Variants in NAV2 observed in about 807,000 individuals in gnomAD.
NAV2 encodes neuron navigator 2, also known as helicase, APC down-regulated 1.
NAV2 carries 54 observed loss-of-function variants against 223.2 expected under a neutral mutation model. The observed-to-expected ratio is 0.24, with a 90% CI of 0.19 to 0.30. The LOEUF (loss-of-function observed/expected upper bound fraction) is 0.30, where lower values mean the gene tolerates loss of function less well. Ranked by LOEUF, NAV2 falls within the 10% of genes least tolerant of loss-of-function variation. NAV2 has a pLI of 1.00. For synonymous variants in NAV2, 1,279 were observed against 1,239.3 expected (o/e 1.03, Z -0.67); for missense variants, 2,806 against 3,147.5 (o/e 0.89, Z 2.60).
At chr11:19,425,683 G>A (rs955420559) in intron 1 of NAV2, among the ~76,000 whole-genome samples, 3 of 152,194 alleles carry the variant, frequency 2.0e-5, no homozygotes, top group African/African-American at 7.2e-5. Context: ...TGGGGACAGG[G>A]ATGATTCTGG....
intron 1 of NAV2, among the ~76,000 whole-genome samples, chr11:19,441,159 G>A (rs55944833): frequency 0.22 from 33,093 of 152,052 alleles, 4,555 homozygotes; most frequent in Non-Finnish European, 0.31. Context: ...TCTCATGCCG[G>A]GGGAGGAATA....
At chr11:19,401,182 A>G (rs1849670444) in intron 1 of NAV2, among the ~76,000 whole-genome samples, 1 of 152,244 alleles carries the variant, frequency 6.6e-6, no homozygotes. Flanking sequence ...GTCTTTAAGA[A>G]TATATTTTAT....
chr11:19,362,692 T>A (rs984182614), intron 1 of NAV2, among the ~76,000 whole-genome samples: 7 of 152,280 alleles, frequency 4.6e-5, no homozygotes, highest in African/African-American at 1.7e-4. Context: ...AATCTACCAT[T>A]TCTTGGACAT....
At chr11:19,636,489 ATT>A (rs5790080) in intron 1 of NAV2, among the ~76,000 whole-genome samples, 166 of 136,124 alleles carry the variant, frequency 1.2e-3, no homozygotes, top group African/African-American at 3.5e-3. Flanking sequence ...GTTCTGCAGT[ATT>A]TTTTTTTTTT....
At chr11:19,831,349 A>G (rs536850218) in intron 1 of NAV2, among the ~76,000 whole-genome samples, 58 of 151,892 alleles carry the variant, frequency 3.8e-4, no homozygotes, top group African/African-American at 1.3e-3. Flanking sequence ...TGGGAGTCAC[A>G]TGGATCCTCG....
chr11:19,662,200 G>A (rs949511477), intron 1 of NAV2, among the ~76,000 whole-genome samples: 1 of 152,176 alleles, frequency 6.6e-6, no homozygotes, highest in African/African-American at 2.4e-5. Context: ...TAGAAAAAAA[G>A]GTGAAAAGAA....
rs1728108593 is a variant in NAV2 at position 20,092,323 on chromosome 11, G to A, written c.5770G>A (p.Gly1924Ser). The change falls in exon 28 of 38, where the codon GGC becomes AGC. Residue 1924 changes from glycine to serine, a missense_variant. By Grantham distance (56) the Gly-to-Ser change is moderately conservative. Around this residue, in one of 4 missense-constraint regions of NAV2, gnomAD observed 824 missense variants for 1,069.4 expected, o/e 0.77. Transcript: ENST00000349880. ...SISASPRQSM[G>S]LSQHSLNLTE... The stretch of plus-strand genomic sequence containing the variant: ...CTCTGCCTCCCCGAGGCAGTCCATG[G>A]GCCTCTCCCAGCACAGCTTGAACCT... The A allele has an allele frequency of 6.2e-7, 1 of 1,614,128 alleles. No individual in the cohort carries two copies. The highest frequency in any genetic ancestry group is 8.5e-7 in the Non-Finnish European group (1 of 1,180,008).
intron 1 of NAV2, among the ~76,000 whole-genome samples, chr11:19,394,870 TC>T (rs1221194234): frequency 6.6e-6 from 1 of 152,126 alleles, no homozygotes; most frequent in Non-Finnish European, 1.5e-5. Flanking sequence ...AGGAAGGATG[TC>T]CTTATCTGAA....
rs1424516924 is a variant in NAV2, at chr11:19,934,132, A to T, written c.1888A>T (p.Asn630Tyr). 6.2e-7 allele frequency: 1 copy of T among 1,614,144 alleles called. No individual in the cohort carries two copies. ...AAAAGGCCCAGGAGGGACCACCCTG[A>T]ACCACAGCATCAGCAGCCAGACTGT... is the stretch of plus-strand genomic sequence containing the variant. ...EGKGPGGTTL[N>Y]HSISSQTVSG... The change falls in exon 7 of 38, where the codon AAC (asparagine) becomes TAC (tyrosine). Residue 630 changes from asparagine (N) to tyrosine (Y), a missense_variant. Around this residue, in one of 4 missense-constraint regions of NAV2, gnomAD observed 1,167 missense variants for 1,180.5 expected, o/e 0.99. Transcript: ENST00000349880.
chr11:19,996,922 G>T (rs972431601), intron 11 of NAV2, among the ~76,000 whole-genome samples: 2 of 152,182 alleles, frequency 1.3e-5, no homozygotes, highest in East Asian at 1.9e-4. Context: ...TGGCTGCATG[G>T]CTCAGTGGGC....
chr11:19,528,691 G>T (rs919383859), intron 1 of NAV2, among the ~76,000 whole-genome samples: 2 of 152,072 alleles, frequency 1.3e-5, no homozygotes, highest in African/African-American at 4.8e-5. Flanking sequence ...CAGCGCTTTG[G>T]GAGGCTGAGA....
intron 6 of NAV2, among the ~76,000 whole-genome samples, chr11:19,906,065 C>CCT (rs1372066797): frequency 6.6e-6 from 1 of 152,096 alleles, no homozygotes; most frequent in Non-Finnish European, 1.5e-5. Context: ...GGTGCACCAG[C>CCT]TTCAGGGGGT....
At chr11:19,871,057 C>T (rs1417021884) in intron 4 of NAV2, among the ~76,000 whole-genome samples, 1 of 152,152 alleles carries the variant, frequency 6.6e-6, no homozygotes, top group Non-Finnish European at 1.5e-5. Flanking sequence ...CATGGAAGAG[C>T]ATACCATAGC....
chr11:19,894,588 AC>A (rs1336518736), intron 6 of NAV2, among the ~76,000 whole-genome samples: 1 of 152,186 alleles, frequency 6.6e-6, no homozygotes, highest in Non-Finnish European at 1.5e-5. Flanking sequence ...GACTGACCTG[AC>A]CCTGCCCTGG....
chr11:19,508,550 T>C (rs2043188624), intron 1 of NAV2, among the ~76,000 whole-genome samples: 1 of 152,038 alleles, frequency 6.6e-6, no homozygotes, highest in African/African-American at 2.4e-5. Context: ...GTTGGGCGAG[T>C]TCCTAATCAC....
intron 1 of NAV2, among the ~76,000 whole-genome samples, chr11:19,450,372 A>G (rs975990494): frequency 6.6e-6 from 1 of 152,268 alleles, no homozygotes; most frequent in East Asian, 1.9e-4. Flanking sequence ...CAGCTCCTTG[A>G]GCCATGGAGT....
At chr11:19,827,612 G>A (rs981647683) in intron 1 of NAV2, among the ~76,000 whole-genome samples, 2 of 152,192 alleles carry the variant, frequency 1.3e-5, no homozygotes, top group Non-Finnish European at 2.9e-5. Flanking sequence ...TTCCACACAC[G>A]CTGCCTCCCC....
At chr11:19,706,002 T>A (rs868276722) in intron 1 of NAV2, among the ~76,000 whole-genome samples, 4 of 152,142 alleles carry the variant, frequency 2.6e-5, no homozygotes, top group Non-Finnish European at 5.9e-5. Context: ...GACCATATAC[T>A]CAGAGGACCT....
chr11:19,789,347 T>C (rs749695305), intron 1 of NAV2, among the ~76,000 whole-genome samples: 10 of 152,208 alleles, frequency 6.6e-5, no homozygotes, highest in Non-Finnish European at 1.5e-4. Context: ...TTTAAGCAAG[T>C]AGTCGAAATC....
Sources: allele counts gnomAD v4.1 joint callset (sites outside exome capture counted in the v4.1 genomes callset), GRCh38; gene constraint gnomAD v4.1.1; regional missense constraint gnomAD v4.1.1; transcripts MANE v1.5; gene names NCBI Gene and HGNC (gene_info 2026-07-23, HGNC 2026-07-21).